PTPRD: variants seen among roughly 807,000 people sequenced by gnomAD.
PTPRD encodes the protein receptor-type tyrosine-protein phosphatase delta.
Under a neutral mutation model 214.5 loss-of-function variants are expected in PTPRD, and 34 were observed. The observed-to-expected ratio is 0.16, with a 90% CI of 0.12 to 0.21. The LOEUF (loss-of-function observed/expected upper bound fraction) is 0.21. Ranked by LOEUF, PTPRD falls within the 10% of genes least tolerant of loss-of-function variation. PTPRD has a pLI of 1.00. For missense variants in PTPRD, 2,545 were observed against 2,398.7 expected (o/e 1.06, Z -1.27); for synonymous variants, 1,128 against 845.7 (o/e 1.33, Z -5.79).
At chr9:9,979,570 A>T (rs1208563099) in intron 4 of PTPRD, among the ~76,000 whole-genome samples, 1 of 152,178 alleles carries the variant, frequency 6.6e-6, no homozygotes, top group Non-Finnish European at 1.5e-5. Flanking sequence ...ATGGAATTGT[A>T]ACATATAAGT....
chr9:10,182,033 A>C (rs1476427627), intron 3 of PTPRD, among the ~76,000 whole-genome samples: 1 of 149,314 alleles, frequency 6.7e-6, no homozygotes, highest in Non-Finnish European at 1.5e-5. Context: ...AGGCAGGCAG[A>C]TCACAAGGTC....
chr9:10,489,381 G>T (rs1035572391), intron 2 of PTPRD, among the ~76,000 whole-genome samples: 1 of 152,146 alleles, frequency 6.6e-6, no homozygotes, highest in Non-Finnish European at 1.5e-5. Flanking sequence ...CTCCAGTGGA[G>T]ATAAGAAGTC....
chr9:9,939,374 C>A (rs2090712597), intron 4 of PTPRD, among the ~76,000 whole-genome samples: 1 of 152,146 alleles, frequency 6.6e-6, no homozygotes, highest in South Asian at 2.1e-4. Context: ...GCAAGAGATG[C>A]AGCACTGTAG....
intron 4 of PTPRD, among the ~76,000 whole-genome samples, chr9:9,994,254 A>G (rs766816085): frequency 6.6e-6 from 1 of 152,044 alleles, no homozygotes; most frequent in African/African-American, 2.4e-5. Flanking sequence ...TCCTTTCTAT[A>G]TCCTTCCTTT....
chr9:8,777,716 TATTAA>T (rs146814488), intron 11 of PTPRD, among the ~76,000 whole-genome samples: 1,648 of 152,304 alleles, frequency 0.011, 26 homozygotes, highest in African/African-American at 0.036. Context: ...GCTGGTCATA[TATTAA>T]ATTGAATTGA....
intron 9 of PTPRD, among the ~76,000 whole-genome samples, chr9:9,331,170 G>A (rs1206257454): frequency 6.6e-6 from 1 of 152,108 alleles, no homozygotes; most frequent in East Asian, 1.9e-4. Flanking sequence ...CTTAACATGC[G>A]TTCTGTTCTC....
intron 7 of PTPRD, among the ~76,000 whole-genome samples, chr9:9,721,674 T>C (rs1388014513): frequency 1.3e-5 from 2 of 152,276 alleles, no homozygotes; most frequent in Non-Finnish European, 2.9e-5. Flanking sequence ...TGATGTCATG[T>C]GTTTAAACTC....
intron 2 of PTPRD, among the ~76,000 whole-genome samples, chr9:10,360,261 T>C (rs1021314650): frequency 6.6e-6 from 1 of 152,230 alleles, no homozygotes; most frequent in Non-Finnish European, 1.5e-5. Flanking sequence ...TTCAGTTTCT[T>C]TGCCTATGCA....
intron 4 of PTPRD, among the ~76,000 whole-genome samples, chr9:10,005,681 G>A (rs985664020): frequency 2.0e-5 from 3 of 151,774 alleles, no homozygotes; most frequent in Admixed American, 1.3e-4. Flanking sequence ...TTGTCCCTCT[G>A]GCATGACACT....
Position 8,338,845 on chromosome 9 carries a change from C to T in PTPRD, c.5379+77G>A, listed in dbSNP as rs1452772084. 7 of 1,048,574 alleles carry T rather than the reference C, an allele frequency of 6.7e-6. No homozygotes were observed. The African/African-American group carries it at 1.3e-4, about 19-fold the overall frequency. 65.0% of individuals were successfully genotyped at this position (1,048,574 alleles called of 1,614,324 possible). On this transcript the variant is annotated intron_variant, in intron 43 of 45. Transcript: ENST00000381196. The stretch of plus-strand genomic sequence containing the variant: ...CAACAGTCAAGTGGCAAGTGCTTCT[C>T]CCAGAGAGAGAGAGAGAGAGGTATC...
chr9:9,556,992 T>C (rs828828), intron 8 of PTPRD, among the ~76,000 whole-genome samples: 21,892 of 152,178 alleles, frequency 0.14, 1,634 homozygotes, highest in African/African-American at 0.17. Flanking sequence ...TTTAGGGAAC[T>C]TATCCCCCTG....
At position 9,876,487 on chromosome 9, in the gene PTPRD, A is replaced by T. The variant is rs1010668840; in HGVS notation, c.-368+62020T>A. On this transcript the variant is annotated intron_variant, in intron 5 of 45. Coordinates refer to ENST00000381196, the MANE Select transcript of PTPRD (RefSeq NM_002839.4). ...TTCTATTTTAATTATATCACCTCGA[A>T]AAAAAAACTGTTTTAACAACTAACA... is the stretch of plus-strand genomic sequence containing the variant. Among the ~76,000 whole-genome samples, 8 of 152,224 alleles carry T rather than the reference A, an allele frequency of 5.3e-5. No homozygotes were observed. In the South Asian group the frequency reaches 1.7e-3, roughly 32 times the overall value.
rs144654225 is a variant in PTPRD at position 10,209,301 on chromosome 9, A to G, written c.-545+131662T>C. Among the ~76,000 whole-genome samples the G allele has an allele frequency of 2.3e-3, 352 of 152,332 alleles. 3 individuals carry two copies. The highest frequency in any genetic ancestry group is 7.8e-3 in the African/African-American group (325 of 41,580). The stretch of plus-strand genomic sequence containing the variant: ...AATCCATGGTTTATAGCAAATCTAT[A>G]TAACAGTAAATTTTTGAAAATGAAA... On this transcript the variant is annotated intron_variant, in intron 3 of 45. Coordinates refer to ENST00000381196, the MANE Select transcript of PTPRD (RefSeq NM_002839.4).
intron 10 of PTPRD, among the ~76,000 whole-genome samples, chr9:9,041,031 T>A (rs900157189): frequency 3.9e-5 from 6 of 152,128 alleles, no homozygotes; most frequent in African/African-American, 1.4e-4. Flanking sequence ...AACTTTCAGA[T>A]GACAAATTGT....
intron 11 of PTPRD, among the ~76,000 whole-genome samples, chr9:8,788,574 C>G (rs1417095976): frequency 6.6e-6 from 1 of 152,066 alleles, no homozygotes; most frequent in East Asian, 1.9e-4. Context: ...TGCGCCCGGC[C>G]AAGATGATAT....
chr9:9,719,347 G>A (rs1269588928), intron 7 of PTPRD, among the ~76,000 whole-genome samples: 1 of 152,128 alleles, frequency 6.6e-6, no homozygotes, highest in Non-Finnish European at 1.5e-5. Context: ...ACCAAACAGT[G>A]GGAGTGAAAA....
At chr9:9,852,492 G>T (rs2060729602) in intron 5 of PTPRD, among the ~76,000 whole-genome samples, 1 of 151,926 alleles carries the variant, frequency 6.6e-6, no homozygotes, top group Non-Finnish European at 1.5e-5. Flanking sequence ...TATATTTAAT[G>T]AAAATAATTA....
intron 10 of PTPRD, among the ~76,000 whole-genome samples, chr9:9,057,464 A>C (rs1162215661): frequency 1.3e-5 from 2 of 152,294 alleles, no homozygotes; most frequent in East Asian, 1.9e-4. Context: ...TTTGAAAACT[A>C]TATGTTAAAA....
intron 3 of PTPRD, among the ~76,000 whole-genome samples, chr9:10,232,527 C>G (rs975726451): frequency 6.6e-5 from 10 of 151,910 alleles, no homozygotes; most frequent in Non-Finnish European, 1.5e-4. Flanking sequence ...CATATTCAGG[C>G]CCTGCAGGTT....
Sources: allele counts gnomAD v4.1 joint callset (sites outside exome capture counted in the v4.1 genomes callset), GRCh38; gene constraint gnomAD v4.1.1; transcripts MANE v1.5; gene names NCBI Gene and HGNC (gene_info 2026-07-23, HGNC 2026-07-21).